Variants in CSMD1 observed in about 807,000 individuals in gnomAD.
CSMD1 encodes the protein CUB and Sushi multiple domains 1.
CSMD1 carries 213 observed loss-of-function variants against 417.5 expected under a neutral mutation model. The observed-to-expected ratio is 0.51, with a 90% CI of 0.46 to 0.57. The LOEUF (loss-of-function observed/expected upper bound fraction) is 0.57, where lower values mean the gene tolerates loss of function less well. Ranked by LOEUF, CSMD1 falls within the 20% of genes least tolerant of loss-of-function variation. The pLI is 0.00. For synonymous variants in CSMD1, 2,862 were observed against 1,736.8 expected (o/e 1.65, Z -16.11); for missense variants, 6,923 against 4,529.7 (o/e 1.53, Z -15.17).
intron 18 of CSMD1, among the ~76,000 whole-genome samples, chr8:3,385,808 T>C (rs1480398923): frequency 6.6e-6 from 1 of 152,098 alleles, no homozygotes; most frequent in African/African-American, 2.4e-5. Flanking sequence ...TTTTCACCTC[T>C]TTCATCTGCT....
At chr8:4,178,088 G>A (rs538070257) in intron 3 of CSMD1, among the ~76,000 whole-genome samples, 86 of 152,264 alleles carry the variant, frequency 5.6e-4, no homozygotes, top group African/African-American at 2.0e-3. Context: ...TATGAGGCCA[G>A]CATCATCCTG....
At chr8:3,206,055 G>GT (rs1182331332) in intron 30 of CSMD1, among the ~76,000 whole-genome samples, 1 of 151,978 alleles carries the variant, frequency 6.6e-6, no homozygotes, top group Admixed American at 6.6e-5. Context: ...AAAATGTTTT[G>GT]TTTTTTAGGG....
At chr8:3,617,464 C>G (rs1432410167) in intron 7 of CSMD1, among the ~76,000 whole-genome samples, 1 of 152,134 alleles carries the variant, frequency 6.6e-6, no homozygotes, top group Non-Finnish European at 1.5e-5. Context: ...CAAACTAACA[C>G]ATTTCTTTTT....
chr8:4,051,186 AG>A (rs1387724683), intron 3 of CSMD1, among the ~76,000 whole-genome samples: 1 of 15,252 alleles, frequency 6.6e-5, no homozygotes, highest in Non-Finnish European at 2.1e-4. Context: ...ATCCCTGCTG[AG>A]AATCTCTGCT....
intron 1 of CSMD1, among the ~76,000 whole-genome samples, chr8:4,712,911 G>T (rs796550297): frequency 4.6e-5 from 7 of 152,126 alleles, no homozygotes; most frequent in South Asian, 2.1e-4. Flanking sequence ...TTCAAAAAGG[G>T]TGCTTGATTG....
At chr8:3,803,977 G>C (rs1473354690) in intron 5 of CSMD1, among the ~76,000 whole-genome samples, 2 of 152,050 alleles carry the variant, frequency 1.3e-5, no homozygotes, top group Non-Finnish European at 2.9e-5. Flanking sequence ...GCCCAGGCTG[G>C]AGTGCAATGG....
At chr8:3,450,480 G>C (rs1314365931) in intron 12 of CSMD1, among the ~76,000 whole-genome samples, 1 of 145,412 alleles carries the variant, frequency 6.9e-6, no homozygotes, top group South Asian at 2.2e-4. Context: ...CCCCACAACA[G>C]GCCCTGGTGT....
chr8:4,323,339 G>C (rs1002492596), intron 3 of CSMD1, among the ~76,000 whole-genome samples: 7 of 152,130 alleles, frequency 4.6e-5, no homozygotes, highest in African/African-American at 9.7e-5. Context: ...TAAAATTCAT[G>C]AAAAGTGAGA....
chr8:3,721,883 C>T (rs983900864), intron 6 of CSMD1, among the ~76,000 whole-genome samples: 12 of 152,032 alleles, frequency 7.9e-5, no homozygotes, highest in African/African-American at 1.4e-4. Flanking sequence ...ATGAAGTGCC[C>T]GTTAAGTAGC....
rs538220850 is a variant in CSMD1, at chr8:4,454,518, A to C, written c.303-34453T>G. 3.3e-5 allele frequency among the ~76,000 whole-genome samples: 5 copies of C among 152,316 alleles called. No homozygotes were observed. The Middle Eastern group carries it at 0.017, about 518-fold the overall frequency. The stretch of plus-strand genomic sequence containing the variant: ...CATATACAATCCTTGGAAGCAAAGA[A>C]AAAGTGTGGTTTCTGATTTCTAATA... On this transcript the variant is annotated intron_variant, in intron 2 of 69. Transcript: ENST00000635120.
chr8:4,966,987 T>C (rs62489449), intron 1 of CSMD1, among the ~76,000 whole-genome samples: 8,856 of 152,246 alleles, frequency 0.058, 403 homozygotes, highest in Non-Finnish European at 0.082. Context: ...TTACTTTATG[T>C]CATTTTGTAC....
In CSMD1 at chr8:4,217,252, G is replaced by C. The variant is rs540098208; in HGVS notation, c.416-185153C>G. On this transcript the variant is annotated intron_variant, in intron 3 of 69. Transcript: ENST00000635120. ...ATAAAAATGCTTCTATCTAGATATG[G>C]GATTTAGAATTTGCAGAAGTCTTTC... 1.1e-4 allele frequency among the ~76,000 whole-genome samples: 17 copies of C among 152,264 alleles called. No individual in the cohort carries two copies. The South Asian group carries it at 2.9e-3, about 26-fold the overall frequency.
intron 8 of CSMD1, among the ~76,000 whole-genome samples, chr8:3,596,276 A>C (rs1312839704): frequency 6.6e-6 from 1 of 152,184 alleles, no homozygotes; most frequent in Non-Finnish European, 1.5e-5. Flanking sequence ...CAATAGCAGC[A>C]GACATGAGTT....
chr8:3,635,109 A>G (rs1450915581), intron 7 of CSMD1, among the ~76,000 whole-genome samples: 2 of 152,124 alleles, frequency 1.3e-5, no homozygotes, highest in Non-Finnish European at 2.9e-5. Context: ...GTGGGCCTTG[A>G]CGTTGCTCTG....
chr8:4,228,266 C>A (rs1801484187), intron 3 of CSMD1, among the ~76,000 whole-genome samples: 1 of 152,210 alleles, frequency 6.6e-6, no homozygotes, highest in Admixed American at 6.5e-5. Flanking sequence ...CCTTTCCAGT[C>A]ACAGGCCCTG....
intron 11 of CSMD1, among the ~76,000 whole-genome samples, chr8:3,479,814 T>A (rs1186378302): frequency 6.6e-6 from 1 of 151,418 alleles, no homozygotes. Flanking sequence ...TAAAGCCAGG[T>A]CGCTTAAAAA....
At position 3,944,762 on chromosome 8, in the gene CSMD1, C is replaced by G. The variant is rs370998337; in HGVS notation, c.818+53141G>C. Reference sequence around the variant, plus strand: ...GCACTTTTCAAAACTATACTCTCAACTCTTTTCTTACAAATACCCAAATGA... The same window carrying G: ...GCACTTTTCAAAACTATACTCTCAAGTCTTTTCTTACAAATACCCAAATGA... On this transcript the variant is annotated intron_variant, in intron 5 of 69. Transcript: ENST00000635120. Among the ~76,000 whole-genome samples, 33 of 152,130 alleles carry G rather than the reference C, an allele frequency of 2.2e-4. No individual in the cohort carries two copies. In the East Asian group the frequency reaches 4.4e-3, roughly 20 times the overall value.
In CSMD1 at chr8:3,893,039, A is replaced by G. The variant is rs1403883277; in HGVS notation, c.818+104864T>C. On this transcript the variant is annotated intron_variant, in intron 5 of 69. Transcript: ENST00000635120. ...AAAATAACTTGTCAATAATAGTGAT[A>G]TGGATTAAACAAGTTTGACCAAGTA... Among the ~76,000 whole-genome samples, 7 of 152,118 alleles carry G rather than the reference A, an allele frequency of 4.6e-5. No homozygotes were observed. In the East Asian group the frequency reaches 1.2e-3, roughly 25 times the overall value.
At chr8:4,179,304 C>A (rs1252348404) in intron 3 of CSMD1, among the ~76,000 whole-genome samples, 4 of 152,108 alleles carry the variant, frequency 2.6e-5, no homozygotes, top group Admixed American at 1.3e-4. Context: ...CTTTGACAAA[C>A]CTGACAAAAC....
Sources: allele counts gnomAD v4.1 joint callset (sites outside exome capture counted in the v4.1 genomes callset), GRCh38; gene constraint gnomAD v4.1.1; transcripts MANE v1.5; gene names NCBI Gene and HGNC (gene_info 2026-07-23, HGNC 2026-07-21).